MMD2: variants seen among roughly 807,000 people sequenced by gnomAD.
MMD2 encodes monocyte to macrophage differentiation factor 2.
A neutral mutation model predicts 33.5 loss-of-function variants in MMD2; 30 were observed. The ratio of observed to expected loss-of-function variants is 0.90; its 90% CI spans 0.67 to 1.22. The LOEUF is 1.22. MMD2 is among the 50% of genes most tolerant of loss of function. The pLI is 0.00. For missense variants in MMD2, 364 were observed against 325.4 expected, an observed-to-expected ratio of 1.12 and a Z score of -0.91; for synonymous variants, 129 against 123.0, an observed-to-expected ratio of 1.05 and a Z score of -0.32.
chr7:4,919,578 CA>C (rs908221303), intron 3 of MMD2, among the ~76,000 whole-genome samples: 1 of 150,558 alleles, frequency 6.6e-6, no homozygotes, highest in African/African-American at 2.4e-5. Context: ...AAAAAACAAA[CA>C]AACAAACAAA....
chr7:4,949,021 G>A (rs546707263), intron 1 of MMD2, among the ~76,000 whole-genome samples: 53 of 152,092 alleles, frequency 3.5e-4, no homozygotes, highest in African/African-American at 1.3e-3. Context: ...AGTGAGCTGA[G>A]CCAACATGGA....
intron 2 of MMD2, among the ~76,000 whole-genome samples, chr7:4,923,233 A>G (rs1785332649): frequency 6.6e-6 from 1 of 151,876 alleles, no homozygotes; most frequent in South Asian, 2.1e-4. Flanking sequence ...CCACCTCAGT[A>G]GCTGGGATTA....
chr7:4,938,002 C>CTTTTT (rs1165504272), intron 1 of MMD2, among the ~76,000 whole-genome samples: 615 of 45,670 alleles, frequency 0.013, 5 homozygotes, highest in Middle Eastern at 0.031. Flanking sequence ...TTCTTTCTTT[C>CTTTTT]TTTTTTTTTT....
intron 1 of MMD2, among the ~76,000 whole-genome samples, chr7:4,951,489 C>T (rs1562497114): frequency 6.6e-6 from 1 of 152,116 alleles, no homozygotes; most frequent in Non-Finnish European, 1.5e-5. Flanking sequence ...CCCTGGAAAA[C>T]TCCTATTCAT....
intron 1 of MMD2, among the ~76,000 whole-genome samples, chr7:4,941,077 G>A (rs1399992209): frequency 1.3e-5 from 2 of 152,158 alleles, no homozygotes; most frequent in African/African-American, 2.4e-5. Context: ...TTAGGAGGAG[G>A]GGTCGCCCCA....
At chr7:4,942,410 T>C (rs1377914848) in intron 1 of MMD2, among the ~76,000 whole-genome samples, 1 of 35,874 alleles carries the variant, frequency 2.8e-5, no homozygotes, top group Non-Finnish European at 4.4e-5. Context: ...TGGGAGGACA[T>C]TTCTATTTTT....
rs114782470 is a variant in MMD2 at position 4,910,599 on chromosome 7, G to A, written c.467+546C>T. ...CACCCCCGCCTCCCCCCCTAACCCC[G>A]GCCCAATGGGGCTAGGAACCTATGT... On this transcript the variant is annotated intron_variant, in intron 5 of 6. Transcript: ENST00000401401. Among the ~76,000 whole-genome samples the A allele has an allele frequency of 4.8e-3, 726 of 151,494 alleles. 5 individuals are homozygous for A. Among genetic ancestry groups the A allele is most frequent in the African/African-American group, 0.017 (700 of 41,346 alleles).
intron 2 of MMD2, among the ~76,000 whole-genome samples, chr7:4,924,855 C>T (rs1049367039): frequency 3.7e-4 from 57 of 152,052 alleles, no homozygotes; most frequent in African/African-American, 1.3e-3. Flanking sequence ...GTGGGAGGTG[C>T]GTGGACAGAC....
chr7:4,919,227 G>A (rs1469690710), intron 3 of MMD2, among the ~76,000 whole-genome samples: 5 of 152,270 alleles, frequency 3.3e-5, no homozygotes, highest in East Asian at 3.9e-4. Context: ...CTGGCCCGTC[G>A]TGACCACCCT....
chr7:4,958,856 C>T, intron 1 of MMD2, 115 bp downstream of exon 1: 1 of 926,186 alleles, frequency 1.1e-6, no homozygotes, highest in Non-Finnish European at 1.4e-6. Context: ...CAGGGGTCCG[C>T]CGATCCCCTC....
intron 1 of MMD2, among the ~76,000 whole-genome samples, chr7:4,935,964 C>A (rs1047104835): frequency 6.6e-6 from 1 of 151,996 alleles, no homozygotes; most frequent in African/African-American, 2.4e-5. Context: ...GCAAGCAGAT[C>A]ACCTGAGGTC....
At chr7:4,925,076 G>A (rs972590540) in intron 2 of MMD2, among the ~76,000 whole-genome samples, 4 of 152,038 alleles carry the variant, frequency 2.6e-5, no homozygotes, top group Non-Finnish European at 5.9e-5. Context: ...GGTTACAGGT[G>A]CCCGCCACCA....
chr7:4,914,297 A>G (rs1785088381), intron 4 of MMD2, among the ~76,000 whole-genome samples: 1 of 152,160 alleles, frequency 6.6e-6, no homozygotes, highest in African/African-American at 2.4e-5. Context: ...AAGTGTCTCC[A>G]CTGTGTGTCA....
intron 1 of MMD2, among the ~76,000 whole-genome samples, chr7:4,950,013 T>A (rs536638590): frequency 7.9e-5 from 12 of 152,210 alleles, no homozygotes; most frequent in Admixed American, 2.0e-4. Context: ...AAAACACACA[T>A]CAAATGTACT....
intron 1 of MMD2, among the ~76,000 whole-genome samples, chr7:4,937,611 C>T (rs931643396): frequency 6.6e-6 from 1 of 152,126 alleles, no homozygotes; most frequent in Non-Finnish European, 1.5e-5. Context: ...TGGATTCAAG[C>T]GATGTTCCTG....
intron 1 of MMD2, among the ~76,000 whole-genome samples, chr7:4,950,480 A>G (rs1466382993): frequency 6.6e-6 from 1 of 152,044 alleles, no homozygotes; most frequent in Non-Finnish European, 1.5e-5. Context: ...CCCTGTCCCT[A>G]TTAAACACTA....
At chr7:4,949,733 A>G (rs966364591) in intron 1 of MMD2, among the ~76,000 whole-genome samples, 1 of 151,954 alleles carries the variant, frequency 6.6e-6, no homozygotes, top group Admixed American at 6.6e-5. Context: ...GATGGTCTCG[A>G]ACTCCTGATC....
chr7:4,900,601 A>G, the MMD2 span, among the ~76,000 whole-genome samples: 1 of 152,096 alleles, frequency 6.6e-6, no homozygotes, highest in Non-Finnish European at 1.5e-5. Flanking sequence ...ATGTAAGAAC[A>G]CTGATACCTT....
rs1456516244 is a variant in MMD2, at chr7:4,925,518, C to T, written c.62G>A (p.Arg21Gln). 3.2e-6 allele frequency: 5 copies of T among 1,573,328 alleles called. No homozygotes were observed. In the Admixed American group the frequency reaches 5.4e-5, roughly 17 times the overall value. ...CTGGTACCTCTTGTGGGCAGGGACT[C>T]GGTGGTTCATGAACCTGGAAGGAGA... ...KTKYARFMNH[R>Q]VPAHKRYQPT... The change falls in exon 2 of 7, where the codon CGA becomes CAA. Residue 21 changes from arginine (R) to glutamine (Q), a missense_variant. Transcript: ENST00000401401.
Sources: gnomAD v4.1 joint callset for allele counts (sites outside exome capture counted in the v4.1 genomes callset) on GRCh38, gnomAD v4.1.1 for gene constraint, MANE v1.5 for transcripts, NCBI Gene and HGNC (gene_info 2026-07-23, HGNC 2026-07-21) for gene names.